SLC22A23: variants seen among roughly 807,000 people sequenced by gnomAD.
SLC22A23 encodes solute carrier family 22 member 23, also known as ion transporter protein.
In SLC22A23, 26 loss-of-function variants were observed where a neutral mutation model predicts 61.0. That is an observed-to-expected ratio of 0.43 (90% CI 0.31 to 0.59). The LOEUF (loss-of-function observed/expected upper bound fraction) is 0.59. Among genes scored for constraint, SLC22A23 ranks in the 20% least tolerant of loss-of-function variants. The pLI, the probability that SLC22A23 is intolerant of heterozygous loss-of-function variation, is 0.11. For synonymous variants in SLC22A23, 430 were observed against 413.9 expected (o/e 1.04, Z -0.47); for missense variants, 796 against 934.7 (o/e 0.85, Z 1.94).
At position 3,394,755 on chromosome 6, in the gene SLC22A23, G is replaced by A. The variant is rs9503575; in HGVS notation, c.913+15433C>T. ...TCCACGTCGCTCTGAGGCCTGCCCC[G>A]CTCTGGTCTACCTTTGCACAGCCCC... On this transcript the variant is annotated intron_variant, in intron 3 of 9. Coordinates refer to ENST00000406686, the MANE Select transcript of SLC22A23 (RefSeq NM_015482.2). Among the ~76,000 whole-genome samples, 515 of 152,262 alleles carry A rather than the reference G, an allele frequency of 3.4e-3. 2 individuals carry two copies. Among genetic ancestry groups the A allele is most frequent in the African/African-American group, 0.012 (483 of 41,542 alleles).
At position 3,456,261 on chromosome 6, in the gene SLC22A23, A is replaced by T; in HGVS notation, c.299T>A (p.Val100Glu). Residue 100 changes from valine (V) to glutamate (E), a missense_variant, in exon 1 of 10, where the codon GTG becomes GAG. Val to Glu is a moderately radical substitution (Grantham distance 121). Transcript: ENST00000406686. This position sits in a 1 kb window ranked among gnomAD's most constrained non-coding sequence, Gnocchi z 7.1. ...CAGCGCCGGGATCCAGGTGAGCAGC[A>T]CGAGGGTCTTCTGATAGCCCCCGCC... The part of the protein sequence containing the change: ...GLGGGYQKTL[V>E]LLTWIPALFI... 1 of 1,551,358 alleles carries T rather than the reference A, an allele frequency of 6.4e-7. No homozygotes were observed. Among genetic ancestry groups the T allele is most frequent in the Non-Finnish European group, 8.7e-7 (1 of 1,146,830 alleles).
chr6:3,428,065 C>T (rs1264472626), intron 1 of SLC22A23, among the ~76,000 whole-genome samples: 4 of 152,218 alleles, frequency 2.6e-5, no homozygotes, highest in Admixed American at 2.6e-4. Flanking sequence ...AGGCCAAAGC[C>T]AGGATCACTA....
Position 3,304,318 on chromosome 6 carries a change from C to T in SLC22A23, c.1083-6100G>A, listed in dbSNP as rs768091700. Among the ~76,000 whole-genome samples the T allele has an allele frequency of 1.3e-5, 2 of 152,162 alleles. No individual in the cohort carries two copies. Among genetic ancestry groups the T allele is most frequent in the Non-Finnish European group, 2.9e-5 (2 of 68,022 alleles). Reference sequence around the variant, plus strand: ...GTCTAAAGGCAACACACTTTGGATACCTAAAAACTGACAACAACCAATAAA... The same window carrying T: ...GTCTAAAGGCAACACACTTTGGATATCTAAAAACTGACAACAACCAATAAA... On this transcript the variant is annotated intron_variant, in intron 4 of 9. Transcript: ENST00000406686. This position sits in a 1 kb window ranked among gnomAD's most constrained non-coding sequence, Gnocchi z 4.3.
At chr6:3,363,181 C>T (rs886977221) in intron 3 of SLC22A23, among the ~76,000 whole-genome samples, 3 of 152,224 alleles carry the variant, frequency 2.0e-5, no homozygotes, top group African/African-American at 7.2e-5. Flanking sequence ...TAAATTAACA[C>T]AAAATACAAA....
rs1762130229 is a variant in SLC22A23 at position 3,308,297 on chromosome 6, C to A, written c.1083-10079G>T. Reference sequence around the variant, plus strand: ...GCACTCACCCTCCCGTCCTCCAGGGCTAAGCCCTCCCTGGGTGGGCACATG... The same window carrying A: ...GCACTCACCCTCCCGTCCTCCAGGGATAAGCCCTCCCTGGGTGGGCACATG... On this transcript the variant is annotated intron_variant, in intron 4 of 9. Transcript: ENST00000406686. This position sits in a 1 kb window ranked among gnomAD's most constrained non-coding sequence, Gnocchi z 5.1. 1.3e-5 allele frequency among the ~76,000 whole-genome samples: 2 copies of A among 152,218 alleles called. No individual in the cohort carries two copies. The highest frequency in any genetic ancestry group is 2.9e-5 in the Non-Finnish European group (2 of 68,036).
At position 3,389,421 on chromosome 6, in the gene SLC22A23, C is replaced by T. The variant is rs1451349129; in HGVS notation, c.913+20767G>A. 3.9e-5 allele frequency among the ~76,000 whole-genome samples: 6 copies of T among 152,238 alleles called. No individual in the cohort carries two copies. In the East Asian group the frequency reaches 1.2e-3, roughly 29 times the overall value. ...AAATGTTATGGGATATGTTTTCTAT[C>T]ACAATTGAAATTGAAGTCTATGCAG... On this transcript the variant is annotated intron_variant, in intron 3 of 9. Coordinates refer to ENST00000406686, the MANE Select transcript of SLC22A23 (RefSeq NM_015482.2).
intron 3 of SLC22A23, among the ~76,000 whole-genome samples, chr6:3,366,483 G>A (rs1444614593): frequency 2.6e-5 from 4 of 152,018 alleles, no homozygotes; most frequent in East Asian, 1.9e-4. Flanking sequence ...TTAACTCGCT[G>A]TGTTGTGGGG....
chr6:3,283,823 C>T (rs770761954), intron 9 of SLC22A23, 29 bp downstream of exon 9: 10 of 1,612,156 alleles, frequency 6.2e-6, no homozygotes, highest in Middle Eastern at 1.6e-4. Flanking sequence ...GAGAAGCCGG[C>T]GTCCCCTGGG....
intron 5 of SLC22A23, 115 bp from the exon 6 acceptor site, chr6:3,289,981 CTTTTTTTTT>C: frequency 6.7e-6 from 3 of 448,772 alleles, no homozygotes; most frequent in African/African-American, 2.7e-5. Flanking sequence ...GAGAGAGAAG[CTTTTTTTTT>C]TTTTTTTTTT....
chr6:3,338,663 A>C (rs1246387303), intron 3 of SLC22A23, among the ~76,000 whole-genome samples: 1 of 152,264 alleles, frequency 6.6e-6, no homozygotes, highest in Non-Finnish European at 1.5e-5. Context: ...TAAACCTAAA[A>C]GGGTAGAGGA....
intron 3 of SLC22A23, among the ~76,000 whole-genome samples, chr6:3,405,212 G>T (rs1268767693): frequency 2.6e-5 from 4 of 151,900 alleles, no homozygotes; most frequent in Non-Finnish European, 4.4e-5. Context: ...AGCGAGCTGA[G>T]ATGGCACCAC....
chr6:3,330,365 T>G lies in SLC22A23; in HGVS notation c.914-6363A>C, dbSNP rs73720504. Reference sequence around the variant, plus strand: ...CCACCTGGAGACCACCACAGTCCTCTGAAGACAGCCCCATCATCCTGGACT... The same window carrying G: ...CCACCTGGAGACCACCACAGTCCTCGGAAGACAGCCCCATCATCCTGGACT... On this transcript the variant is annotated intron_variant, in intron 3 of 9. Coordinates refer to ENST00000406686, the MANE Select transcript of SLC22A23 (RefSeq NM_015482.2). The surrounding 1 kb of genome is among the most constrained non-coding windows in gnomAD (Gnocchi z 4.7). 0.026 allele frequency among the ~76,000 whole-genome samples: 3,957 copies of G among 152,324 alleles called. 194 individuals carry two copies. Among genetic ancestry groups the G allele is most frequent in the African/African-American group, 0.091 (3,766 of 41,558 alleles).
chr6:3,402,104 C>T (rs1199869374), intron 3 of SLC22A23, among the ~76,000 whole-genome samples: 4 of 152,208 alleles, frequency 2.6e-5, no homozygotes, highest in African/African-American at 9.6e-5. Context: ...CCCTTCTCCC[C>T]ATTCCTCAGT....
At chr6:3,274,752 A>G (rs577195570) in intron 9 of SLC22A23, among the ~76,000 whole-genome samples, 2 of 152,388 alleles carry the variant, frequency 1.3e-5, no homozygotes, top group South Asian at 4.1e-4. Flanking sequence ...ATAACATCCA[A>G]TGAATAAAAT....
At chr6:3,419,006 C>G (rs1396810180) in intron 1 of SLC22A23, among the ~76,000 whole-genome samples, 2 of 152,204 alleles carry the variant, frequency 1.3e-5, no homozygotes, top group African/African-American at 4.8e-5. Context: ...TTGAGGTCAC[C>G]TGGCTCTTGA....
At chr6:3,307,255 C>T (rs982555673) in intron 4 of SLC22A23, among the ~76,000 whole-genome samples, 1 of 152,168 alleles carries the variant, frequency 6.6e-6, no homozygotes, top group African/African-American at 2.4e-5. Flanking sequence ...GACGCTCTGA[C>T]CCCCCACATT....
At chr6:3,316,003 C>T (rs1257993915) in intron 4 of SLC22A23, among the ~76,000 whole-genome samples, 4 of 152,182 alleles carry the variant, frequency 2.6e-5, no homozygotes, top group African/African-American at 9.7e-5. Context: ...CAGGGCTCAG[C>T]GGCGTCTCAG....
chr6:3,456,456 G>A lies in SLC22A23; in HGVS notation c.104C>T (p.Ser35Leu), dbSNP rs1486362620. ...GSLPPGDAAA[S>L]APLGGRAGPG... ...GCCCGCGCGTCCCCCGAGGGGCGCC[G>A]AGGCCGCCGCGTCCCCGGGCGGCAG... Residue 35 changes from serine to leucine, a missense_variant, in exon 1 of 10, where the codon TCG becomes TTG. By Grantham distance (145) the Ser-to-Leu change is moderately radical. Coordinates refer to ENST00000406686, the MANE Select transcript of SLC22A23 (RefSeq NM_015482.2). This position sits in a 1 kb window ranked among gnomAD's most constrained non-coding sequence, Gnocchi z 7.1. 8.2e-7 allele frequency: 1 copy of A among 1,214,494 alleles called. No individual in the cohort carries two copies. The highest frequency in any genetic ancestry group is 4.0e-5 in the South Asian group (1 of 25,230). 75.2% of individuals were successfully genotyped at this position (1,214,494 alleles called of 1,614,324 possible).
rs1762206651 is a variant in SLC22A23, at chr6:3,309,275, AAC to A, written c.1083-11059_1083-11058del. 6.6e-6 allele frequency among the ~76,000 whole-genome samples: 1 copy of A among 152,154 alleles called. No individual in the cohort carries two copies. Among genetic ancestry groups the A allele is most frequent in the Admixed American group, 6.5e-5 (1 of 15,278 alleles). ...CGTGCCGCTGCACTCTAGCCTGGGC[AAC>A]AGAGTGAGACCCTGTCTCAAAATGA... is the stretch of plus-strand genomic sequence containing the variant. On this transcript the variant is annotated intron_variant, in intron 4 of 9. Transcript: ENST00000406686. The surrounding 1 kb of genome is among the most constrained non-coding windows in gnomAD (Gnocchi z 4.7).
Sources: gnomAD v4.1 joint callset for allele counts (sites outside exome capture counted in the v4.1 genomes callset) on GRCh38, gnomAD v4.1.1 for gene constraint, Gnocchi (gnomAD v3.1) non-coding constraint, MANE v1.5 for transcripts, NCBI Gene and HGNC (gene_info 2026-07-23, HGNC 2026-07-21) for gene names.